The following RASGRF2 variants were observed in gnomAD, a reference collection of about 807,000 sequenced individuals.
The protein encoded by RASGRF2 is ras-specific guanine nucleotide-releasing factor 2.
RASGRF2 carries 76 observed loss-of-function variants against 151.0 expected under a neutral mutation model. The ratio of observed to expected loss-of-function variants is 0.50; its 90% CI spans 0.42 to 0.61. RASGRF2 has a LOEUF of 0.61. RASGRF2 is among the 20% of genes least tolerant of loss of function. RASGRF2 has a pLI of 0.00. For missense variants in RASGRF2, 1,148 were observed against 1,564.6 expected (o/e 0.73, Z 4.49); for synonymous variants, 504 against 566.5 (o/e 0.89, Z 1.57).
At chr5:81,180,359 A>G (rs568571399) in intron 18 of RASGRF2, 78 bp downstream of exon 18, 34 of 860,334 alleles carry the variant, frequency 4.0e-5, no homozygotes, top group South Asian at 2.6e-4. Flanking sequence ...CATGTAAAAC[A>G]CCTCCCTACT....
At chr5:81,101,256 C>T (rs984914404) in intron 12 of RASGRF2, among the ~76,000 whole-genome samples, 1 of 152,166 alleles carries the variant, frequency 6.6e-6, no homozygotes, top group Non-Finnish European at 1.5e-5. Context: ...TCCCAACAAC[C>T]AGGGTACATG....
Position 81,217,380 on chromosome 5 carries a change from T to C in RASGRF2, c.3459T>C (p.Tyr1153=), listed in dbSNP as rs759612657. 6.2e-7 allele frequency: 1 copy of C among 1,612,884 alleles called. No individual in the cohort carries two copies. The highest frequency in any genetic ancestry group is 1.7e-5 in the Admixed American group (1 of 59,722). ...GTTGTAACCCTCCTGCAGTTCCTTA[T>C]CTTGGGATGTACTTGACAGACCTGG... The part of the protein sequence containing the change: ...LKNCNPPAVP[Y]LGMYLTDLAF... Residue 1153 remains tyrosine, a synonymous_variant, in exon 25 of 27, where the codon TAT becomes TAC. Transcript: ENST00000265080.
chr5:81,033,739 C>A (rs1750357768), intron 1 of RASGRF2, among the ~76,000 whole-genome samples: 1 of 152,156 alleles, frequency 6.6e-6, no homozygotes, highest in Non-Finnish European at 1.5e-5. Context: ...TAGGCATGGG[C>A]AAGGATTTCA....
intron 2 of RASGRF2, among the ~76,000 whole-genome samples, chr5:81,046,116 A>G (rs950548524): frequency 7.2e-5 from 11 of 152,146 alleles, no homozygotes; most frequent in East Asian, 1.9e-4. Flanking sequence ...TTAGCATGAG[A>G]TGTTCTTTTC....
At chr5:81,170,479 T>C (rs4703824) in intron 17 of RASGRF2, among the ~76,000 whole-genome samples, 127,746 of 152,226 alleles carry the variant, frequency 0.84, 53,682 homozygotes, top group Admixed American at 0.89. Flanking sequence ...CTTTTCCTGT[T>C]CCCATGATTC....
intron 17 of RASGRF2, among the ~76,000 whole-genome samples, chr5:81,156,839 A>G (rs968179180): frequency 3.3e-5 from 5 of 152,180 alleles, no homozygotes. Context: ...TAAGAAAAAG[A>G]TAATTTAAGG....
At chr5:81,221,858 T>C (rs981875151) in intron 26 of RASGRF2, among the ~76,000 whole-genome samples, 3 of 152,158 alleles carry the variant, frequency 2.0e-5, no homozygotes, top group Non-Finnish European at 2.9e-5. Flanking sequence ...GCAGCTGTAA[T>C]CCCAGCTACC....
At chr5:81,030,984 G>A (rs1750222578) in intron 1 of RASGRF2, among the ~76,000 whole-genome samples, 1 of 152,080 alleles carries the variant, frequency 6.6e-6, no homozygotes, top group African/African-American at 2.4e-5. Context: ...AACAAAAAAA[G>A]GCAGGGGTTG....
intron 17 of RASGRF2, among the ~76,000 whole-genome samples, chr5:81,171,606 T>C (rs1376141795): frequency 6.6e-6 from 1 of 152,064 alleles, no homozygotes; most frequent in Non-Finnish European, 1.5e-5. Context: ...TCTAGAGCAT[T>C]TGCTGTATTT....
intron 18 of RASGRF2, among the ~76,000 whole-genome samples, chr5:81,196,645 G>A (rs1474257793): frequency 1.9e-5 from 2 of 104,762 alleles, no homozygotes; most frequent in African/African-American, 7.4e-5. Context: ...GTTGAGCCCA[G>A]TATGGGGCAC....
At chr5:80,998,909 A>G (rs1396010318) in intron 1 of RASGRF2, among the ~76,000 whole-genome samples, 2 of 152,044 alleles carry the variant, frequency 1.3e-5, no homozygotes, top group Non-Finnish European at 2.9e-5. Flanking sequence ...TCCCCTCTCA[A>G]GATAACTTTT....
intron 2 of RASGRF2, among the ~76,000 whole-genome samples, chr5:81,045,669 T>TTAAGTCAA (rs144726368): frequency 6.6e-6 from 1 of 151,740 alleles, no homozygotes; most frequent in African/African-American, 2.4e-5. Flanking sequence ...ACTTGAGACC[T>TTAAGTCAA]AGGACTGGGT....
At chr5:81,043,538 C>T (rs1397377441) in intron 2 of RASGRF2, among the ~76,000 whole-genome samples, 1 of 152,180 alleles carries the variant, frequency 6.6e-6, no homozygotes, top group Non-Finnish European at 1.5e-5. Flanking sequence ...TAAGAAACAT[C>T]AGGAAGGTGG....
At chr5:81,087,067 C>T (rs142350979) in intron 9 of RASGRF2, 114 bp downstream of exon 9, 3 of 967,668 alleles carry the variant, frequency 3.1e-6, no homozygotes, top group Non-Finnish European at 3.3e-6. Flanking sequence ...GCCCGAAGGA[C>T]CCCCCCACGG....
chr5:81,028,981 A>G (rs1349854317), intron 1 of RASGRF2, among the ~76,000 whole-genome samples: 1 of 152,166 alleles, frequency 6.6e-6, no homozygotes, highest in Non-Finnish European at 1.5e-5. Flanking sequence ...GTCTTAGCAA[A>G]CAGCACACCA....
intron 15 of RASGRF2, among the ~76,000 whole-genome samples, chr5:81,116,066 C>CTTTTT (rs575647502): frequency 0.019 from 934 of 49,142 alleles, 178 homozygotes; most frequent in East Asian, 0.052. Context: ...AATGCCATTT[C>CTTTTT]TTTTTTTTTT....
chr5:81,001,798 T>C (rs1361456226), intron 1 of RASGRF2, among the ~76,000 whole-genome samples: 1 of 152,196 alleles, frequency 6.6e-6, no homozygotes, highest in Non-Finnish European at 1.5e-5. Flanking sequence ...AGGAGGAATT[T>C]CTCATCTTAA....
intron 9 of RASGRF2, chr5:81,088,622 A>G (rs1379366964): frequency 6.6e-6 from 1 of 152,196 alleles, no homozygotes; most frequent in Non-Finnish European, 1.5e-5. Flanking sequence ...TTTCCTGAAA[A>G]TGTCTACTAA....
At chr5:81,143,746 C>T (rs560738712) in intron 17 of RASGRF2, among the ~76,000 whole-genome samples, 7 of 151,940 alleles carry the variant, frequency 4.6e-5, no homozygotes, top group African/African-American at 9.6e-5. Flanking sequence ...AAAAATTAGC[C>T]GGACGTGGTG....
Sources: allele counts gnomAD v4.1 joint callset (sites outside exome capture counted in the v4.1 genomes callset), GRCh38; gene constraint gnomAD v4.1.1; transcripts MANE v1.5; gene names NCBI Gene and HGNC (gene_info 2026-07-23, HGNC 2026-07-21).